Variants in VPS13B observed in about 807,000 individuals in gnomAD.
The protein encoded by VPS13B is vacuolar protein sorting 13 homolog B.
Under a neutral mutation model 426.4 loss-of-function variants are expected in VPS13B, and 285 were observed. The observed-to-expected ratio is 0.67, with a 90% CI of 0.61 to 0.74. The LOEUF is 0.74. Among genes scored for constraint, VPS13B ranks in the 30% least tolerant of loss-of-function variants. The pLI is 0.00. For missense variants in VPS13B, 4,537 were observed against 4,782.6 expected (o/e 0.95, Z 1.51); for synonymous variants, 1,676 against 1,676.4 (o/e 1.00, Z 0.01).
chr8:99,327,994 C>T (rs79021840), intron 19 of VPS13B, among the ~76,000 whole-genome samples: 3,105 of 152,240 alleles, frequency 0.02, 115 homozygotes, highest in African/African-American at 0.071. Flanking sequence ...TAGAAGTCCC[C>T]GATCTGTTGG....
intron 19 of VPS13B, among the ~76,000 whole-genome samples, chr8:99,329,614 C>T (rs1339459445): frequency 6.6e-6 from 1 of 151,960 alleles, no homozygotes; most frequent in East Asian, 1.9e-4. Context: ...GTTTTTGAAG[C>T]AACTTATTTC....
intron 42 of VPS13B, among the ~76,000 whole-genome samples, chr8:99,781,917 C>A (rs911124551): frequency 1.3e-5 from 2 of 152,084 alleles, no homozygotes; most frequent in African/African-American, 4.8e-5. Context: ...ACAAGTAGAG[C>A]AGTTCATGTT....
chr8:99,574,817 G>A (rs1275195335), intron 31 of VPS13B, among the ~76,000 whole-genome samples: 1 of 152,012 alleles, frequency 6.6e-6, no homozygotes, highest in African/African-American at 2.4e-5. Context: ...GCTATTAACA[G>A]TCCCTACTTT....
intron 21 of VPS13B, among the ~76,000 whole-genome samples, chr8:99,398,676 C>T (rs1814869859): frequency 6.6e-6 from 1 of 152,144 alleles, no homozygotes. Context: ...ATATAAAACC[C>T]ATGCACAGAT....
At chr8:99,119,602 A>G (rs538412070) in intron 7 of VPS13B, 1 of 152,068 alleles carries the variant, frequency 6.6e-6, no homozygotes, top group East Asian at 1.9e-4. Flanking sequence ...ACAATGGCTT[A>G]AGTGTCTTGG....
intron 19 of VPS13B, among the ~76,000 whole-genome samples, chr8:99,308,581 G>A (rs947052795): frequency 1.3e-5 from 2 of 152,062 alleles, no homozygotes; most frequent in African/African-American, 4.8e-5. Flanking sequence ...GTCTATCATT[G>A]TTGGACATTT....
intron 19 of VPS13B, among the ~76,000 whole-genome samples, chr8:99,307,426 A>G (rs1820701227): frequency 6.6e-6 from 1 of 152,110 alleles, no homozygotes; most frequent in African/African-American, 2.4e-5. Flanking sequence ...AAAGTCTTCT[A>G]TTTTCAAATG....
intron 17 of VPS13B, among the ~76,000 whole-genome samples, chr8:99,196,328 A>G (rs996398888): frequency 6.6e-6 from 1 of 151,918 alleles, no homozygotes; most frequent in Non-Finnish European, 1.5e-5. Flanking sequence ...TTGTTTTCCT[A>G]AATTTTTTTT....
At chr8:99,634,993 G>T (rs904567372) in intron 33 of VPS13B, among the ~76,000 whole-genome samples, 3 of 151,858 alleles carry the variant, frequency 2.0e-5, no homozygotes, top group African/African-American at 7.2e-5. Flanking sequence ...AAAGCTTCCA[G>T]TGTAGATTAT....
chr8:99,431,752 A>C (rs1563727142), intron 22 of VPS13B, 88 bp downstream of exon 22: 3 of 1,379,608 alleles, frequency 2.2e-6, no homozygotes, highest in Non-Finnish European at 3.0e-6. Context: ...GACTTTTCTC[A>C]CATGTAACAA....
chr8:99,871,373 G>T, intron 60 of VPS13B, 75 bp from the exon 61 acceptor site: 4 of 1,609,292 alleles, frequency 2.5e-6, no homozygotes, highest in Non-Finnish European at 3.4e-6. Flanking sequence ...TTGCCCCATT[G>T]GTAAATAATG....
intron 12 of VPS13B, among the ~76,000 whole-genome samples, chr8:99,139,662 C>T (rs542088234): frequency 7.9e-5 from 12 of 152,004 alleles, no homozygotes; most frequent in Non-Finnish European, 1.3e-4. Flanking sequence ...TGGTCTCGAT[C>T]TCCTGACCTC....
At chr8:99,783,871 T>C (rs1812136704) in intron 42 of VPS13B, among the ~76,000 whole-genome samples, 1 of 152,200 alleles carries the variant, frequency 6.6e-6, no homozygotes, top group Admixed American at 6.5e-5. Flanking sequence ...CCTAAATGAT[T>C]CTTACTTTCT....
chr8:99,591,839 C>T (rs1333116348), intron 33 of VPS13B, among the ~76,000 whole-genome samples: 1 of 152,022 alleles, frequency 6.6e-6, no homozygotes, highest in Non-Finnish European at 1.5e-5. Context: ...CTTGGGGTTG[C>T]TCTTCTCGAG....
At chr8:99,426,133 A>G (rs1015097545) in intron 21 of VPS13B, among the ~76,000 whole-genome samples, 13 of 145,962 alleles carry the variant, frequency 8.9e-5, no homozygotes, top group East Asian at 2.1e-4. Context: ...TCATTGTTCA[A>G]TTCCCACCTA....
At chr8:99,755,370 C>T (rs1810589440) in intron 39 of VPS13B, among the ~76,000 whole-genome samples, 1 of 152,170 alleles carries the variant, frequency 6.6e-6, no homozygotes, top group Non-Finnish European at 1.5e-5. Context: ...GGAGACTTCA[C>T]TAATCAATTG....
chr8:99,236,333 T>C (rs940810198), intron 17 of VPS13B, among the ~76,000 whole-genome samples: 2 of 151,924 alleles, frequency 1.3e-5, no homozygotes, highest in Non-Finnish European at 2.9e-5. Flanking sequence ...CACTGCAACC[T>C]CCGCTTCCCA....
Position 99,575,582 on chromosome 8 carries a change from A to G in VPS13B, c.4950-76A>G, listed in dbSNP as rs150427266. The G allele has an allele frequency of 2.3e-4, 365 of 1,589,170 alleles. No individual in the cohort carries two copies. The African/African-American group carries it at 4.2e-3, about 18-fold the overall frequency. On this transcript the variant is annotated intron_variant, in intron 31 of 61. Transcript: ENST00000357162. Reference sequence around the variant, plus strand: ...TTTTGCCATACATGTTTGTAGTACAAAGACTTGTACAAATTTAATGAAAAT... The same window carrying G: ...TTTTGCCATACATGTTTGTAGTACAGAGACTTGTACAAATTTAATGAAAAT...
intron 25 of VPS13B, among the ~76,000 whole-genome samples, chr8:99,499,021 A>G (rs574452966): frequency 1.3e-5 from 2 of 152,286 alleles, no homozygotes; most frequent in African/African-American, 4.8e-5. Flanking sequence ...GAAGCAGGCC[A>G]AGGATGAAGG....
Sources: gnomAD v4.1 joint callset for allele counts (sites outside exome capture counted in the v4.1 genomes callset) on GRCh38, gnomAD v4.1.1 for gene constraint, MANE v1.5 for transcripts, NCBI Gene and HGNC (gene_info 2026-07-23, HGNC 2026-07-21) for gene names.